Variants in LRP1B observed in about 807,000 individuals in gnomAD.
LRP1B encodes low-density lipoprotein receptor-related protein 1B.
LRP1B carries 217 observed loss-of-function variants against 556.6 expected under a neutral mutation model. The observed-to-expected ratio is 0.39, with a 90% CI of 0.35 to 0.44. The LOEUF is 0.44. Ranked by LOEUF, LRP1B falls within the 20% of genes least tolerant of loss-of-function variation. The pLI, the probability that LRP1B is intolerant of heterozygous loss-of-function variation, is 1.00. For missense variants in LRP1B, 5,053 were observed against 5,620.8 expected (o/e 0.90, Z 3.23); for synonymous variants, 2,047 against 1,865.8 (o/e 1.10, Z -2.50).
intron 1 of LRP1B, among the ~76,000 whole-genome samples, chr2:142,001,651 A>G (rs1226439866): frequency 1.3e-5 from 2 of 152,168 alleles, no homozygotes; most frequent in African/African-American, 4.8e-5. Flanking sequence ...ACTGCAACCT[A>G]TTTACAAGTC....
chr2:141,304,634 C>A (rs922736518), intron 3 of LRP1B, among the ~76,000 whole-genome samples: 2 of 151,496 alleles, frequency 1.3e-5, no homozygotes, highest in Non-Finnish European at 2.9e-5. Flanking sequence ...CATGCACCAC[C>A]ACACCCAGCT....
chr2:141,353,333 T>A (rs1403246833), intron 3 of LRP1B, among the ~76,000 whole-genome samples: 1 of 151,940 alleles, frequency 6.6e-6, no homozygotes, highest in African/African-American at 2.4e-5. Context: ...CATCTCTAAG[T>A]TAGAACCTAG....
chr2:140,697,008 T>C (rs889787356), intron 41 of LRP1B, among the ~76,000 whole-genome samples: 2 of 152,166 alleles, frequency 1.3e-5, no homozygotes, highest in Admixed American at 6.6e-5. Context: ...TGATTTTCCA[T>C]TTTGTAGGTA....
rs908611842 is a variant in LRP1B, at chr2:140,756,189, CAAAT to C, written c.5758+13020_5758+13023del. Among the ~76,000 whole-genome samples, 5 of 151,996 alleles carry C rather than the reference CAAAT, an allele frequency of 3.3e-5. No homozygotes were observed. The East Asian group carries it at 5.8e-4, about 18-fold the overall frequency. On this transcript the variant is annotated intron_variant, in intron 35 of 90. Coordinates refer to ENST00000389484, the MANE Select transcript of LRP1B (RefSeq NM_018557.3). The stretch of plus-strand genomic sequence containing the variant: ...TTTTTAAGAGAAATTTTAAAAGACT[CAAAT>C]AAATAGAAAGCTATCACATTGATAT...
chr2:141,136,535 C>G (rs1701496916), intron 7 of LRP1B, among the ~76,000 whole-genome samples: 1 of 149,620 alleles, frequency 6.7e-6, no homozygotes, highest in Non-Finnish European at 1.5e-5. Flanking sequence ...GCTTTAATAT[C>G]TATCTAGTAT....
At chr2:140,276,108 C>G (rs924765509) in intron 84 of LRP1B, among the ~76,000 whole-genome samples, 3 of 151,738 alleles carry the variant, frequency 2.0e-5, no homozygotes, top group African/African-American at 7.3e-5. Context: ...AATTGTGAAG[C>G]AATATTAAAT....
At chr2:140,625,656 A>G (rs1015789338) in intron 41 of LRP1B, among the ~76,000 whole-genome samples, 1 of 152,198 alleles carries the variant, frequency 6.6e-6, no homozygotes, top group Non-Finnish European at 1.5e-5. Flanking sequence ...TGTCATTAGG[A>G]AACTGCAAAT....
chr2:141,486,805 CTG>C (rs1683137348), intron 2 of LRP1B, among the ~76,000 whole-genome samples: 6 of 8,930 alleles, frequency 6.7e-4, no homozygotes, highest in Admixed American at 4.8e-3. Context: ...TTTTTGCCTA[CTG>C]AAAAAATTTA....
chr2:140,283,315 A>AT (rs1327882582), intron 84 of LRP1B, among the ~76,000 whole-genome samples: 1 of 151,814 alleles, frequency 6.6e-6, no homozygotes, highest in Non-Finnish European at 1.5e-5. Flanking sequence ...ATAGTGCTAA[A>AT]TATACCTTCC....
At chr2:142,109,996 G>A (rs1706909084) in intron 1 of LRP1B, among the ~76,000 whole-genome samples, 1 of 152,096 alleles carries the variant, frequency 6.6e-6, no homozygotes, top group East Asian at 1.9e-4. Flanking sequence ...AATGATATGT[G>A]TAGTATTAAA....
intron 41 of LRP1B, among the ~76,000 whole-genome samples, chr2:140,607,691 A>G (rs507490): frequency 0.62 from 93,632 of 151,484 alleles, 29,425 homozygotes; most frequent in Non-Finnish European, 0.67. Flanking sequence ...ATATGTATAC[A>G]TATACATACA....
intron 6 of LRP1B, among the ~76,000 whole-genome samples, chr2:141,207,151 C>T (rs1682322320): frequency 1.3e-5 from 2 of 152,030 alleles, no homozygotes; most frequent in Admixed American, 1.3e-4. Context: ...AATTCTTTCC[C>T]TTATCTCATT....
intron 78 of LRP1B, among the ~76,000 whole-genome samples, chr2:140,335,349 A>G (rs1681026383): frequency 6.6e-6 from 1 of 151,958 alleles, no homozygotes; most frequent in South Asian, 2.1e-4. Flanking sequence ...ATTCTGCAAT[A>G]CACACATATA....
intron 79 of LRP1B, among the ~76,000 whole-genome samples, chr2:140,333,054 T>C (rs1680892382): frequency 6.6e-6 from 1 of 152,092 alleles, no homozygotes; most frequent in African/African-American, 2.4e-5. Context: ...ACCATCCTCA[T>C]ATCTTCCATT....
chr2:140,500,576 T>C (rs1158556382), intron 55 of LRP1B, among the ~76,000 whole-genome samples: 1 of 152,002 alleles, frequency 6.6e-6, no homozygotes, highest in Non-Finnish European at 1.5e-5. Flanking sequence ...TGCCTTGTAT[T>C]GAACAGAAAC....
chr2:140,954,637 T>C (rs1174394215), intron 18 of LRP1B, among the ~76,000 whole-genome samples: 1 of 152,012 alleles, frequency 6.6e-6, no homozygotes, highest in Non-Finnish European at 1.5e-5. Context: ...GGAAATTAGC[T>C]CTGAATATAT....
intron 3 of LRP1B, among the ~76,000 whole-genome samples, chr2:141,260,123 G>T (rs1013921674): frequency 2.1e-4 from 32 of 151,754 alleles, no homozygotes; most frequent in African/African-American, 7.5e-4. Context: ...TTGTTTGTTT[G>T]GTAAGTTCTC....
chr2:140,302,793 C>G (rs1683889123), intron 83 of LRP1B, among the ~76,000 whole-genome samples: 1 of 151,924 alleles, frequency 6.6e-6, no homozygotes, highest in South Asian at 2.1e-4. Flanking sequence ...CATTCAGACT[C>G]AAAGACTTAC....
intron 41 of LRP1B, among the ~76,000 whole-genome samples, chr2:140,668,309 C>CAAAA (rs560180473): frequency 1.7e-5 from 1 of 59,646 alleles, no homozygotes. Flanking sequence ...GACTCCGTCT[C>CAAAA]AAAAAAAAAA....
Sources: allele counts gnomAD v4.1 joint callset (sites outside exome capture counted in the v4.1 genomes callset), GRCh38; gene constraint gnomAD v4.1.1; transcripts MANE v1.5; gene names NCBI Gene and HGNC (gene_info 2026-07-23, HGNC 2026-07-21).